Variants in ALCAM observed in about 807,000 individuals in gnomAD.
The protein encoded by ALCAM is CD166 antigen.
Under a neutral mutation model 70.9 loss-of-function variants are expected in ALCAM, and 30 were observed. The observed-to-expected ratio is 0.42, with a 90% CI of 0.32 to 0.57. The LOEUF (loss-of-function observed/expected upper bound fraction) is 0.57. Among genes scored for constraint, ALCAM ranks in the 20% least tolerant of loss-of-function variants. ALCAM has a pLI of 0.11. For missense variants in ALCAM, 591 were observed against 695.1 expected (o/e 0.85, Z 1.68); for synonymous variants, 249 against 242.5 (o/e 1.03, Z -0.25).
intron 1 of ALCAM, among the ~76,000 whole-genome samples, chr3:105,517,137 C>T (rs529955126): frequency 1.3e-5 from 2 of 152,160 alleles, no homozygotes; most frequent in Non-Finnish European, 1.5e-5. Context: ...GTCTTTGTAG[C>T]GACTTTATCC....
At chr3:105,480,255 CAGG>C (rs1193055507) in intron 1 of ALCAM, among the ~76,000 whole-genome samples, 2 of 151,886 alleles carry the variant, frequency 1.3e-5, no homozygotes. Context: ...GAGGCTAAGG[CAGG>C]AGAATTGCTT....
Position 105,517,159 on chromosome 3 carries a change from G to A in ALCAM, c.74-2908G>A, listed in dbSNP as rs115600972. On this transcript the variant is annotated intron_variant, in intron 1 of 15. Transcript: ENST00000306107. Reference sequence around the variant, plus strand: ...TAGCGACTTTATCCCTAGGGGGCGCGAGATGTTAGCTCTCCCACAGATGCA... The same window carrying A: ...TAGCGACTTTATCCCTAGGGGGCGCAAGATGTTAGCTCTCCCACAGATGCA... Among the ~76,000 whole-genome samples, 315 of 152,126 alleles carry A rather than the reference G, an allele frequency of 2.1e-3. 1 individual carries two copies. The highest frequency in any genetic ancestry group is 3.5e-3 in the Non-Finnish European group (241 of 67,934).
At chr3:105,485,764 T>C (rs1938412177) in intron 1 of ALCAM, among the ~76,000 whole-genome samples, 1 of 152,090 alleles carries the variant, frequency 6.6e-6, no homozygotes, top group Non-Finnish European at 1.5e-5. Flanking sequence ...TTCTGCCTAG[T>C]ATTTGATTTA....
chr3:105,500,106 C>T (rs1938876411), intron 1 of ALCAM, among the ~76,000 whole-genome samples: 1 of 152,154 alleles, frequency 6.6e-6, no homozygotes, highest in African/African-American at 2.4e-5. Context: ...GTTTAGAGCT[C>T]ATATCAGTTA....
Position 105,392,562 on chromosome 3 carries a change from T to C in ALCAM, c.73+25081T>C, listed in dbSNP as rs532867967. On this transcript the variant is annotated intron_variant, in intron 1 of 15. Transcript: ENST00000306107. Reference sequence around the variant, plus strand: ...CATTGATTTTTTTGAAGGGTTTTTTTATGCCTCTATCTCCTTTAATTCTGC... The same window carrying C: ...CATTGATTTTTTTGAAGGGTTTTTTCATGCCTCTATCTCCTTTAATTCTGC... Among the ~76,000 whole-genome samples, 123 of 152,006 alleles carry C rather than the reference T, an allele frequency of 8.1e-4. 1 individual carries two copies. Among genetic ancestry groups the C allele is most frequent in the Non-Finnish European group, 1.4e-3 (96 of 67,902 alleles).
In ALCAM at chr3:105,367,417, C is replaced by T. The variant is rs148842582; in HGVS notation, c.9C>T (p.Ser3=). The T allele has an allele frequency of 1.2e-6, 2 of 1,613,954 alleles. No individual in the cohort carries two copies. The highest frequency in any genetic ancestry group is 2.7e-5 in the African/African-American group (2 of 75,040). ME[S]KGASSCRLLF... ...CAAGAAGGAGGAGGAATATGGAATC[C>T]AAGGGGGCCAGTTCCTGCCGTCTGC... The change falls in exon 1 of 16, where the codon TCC becomes TCT. Residue 3 remains serine (S), a synonymous_variant. Transcript: ENST00000306107.
Position 105,541,673 on chromosome 3 carries a change from T to A in ALCAM, c.899T>A (p.Leu300Gln). 1 of 1,612,144 alleles carries A rather than the reference T, an allele frequency of 6.2e-7. No individual in the cohort carries two copies. The highest frequency in any genetic ancestry group is 1.1e-5 in the South Asian group (1 of 91,000). Residue 300 changes from leucine to glutamine, a missense_variant, in exon 8 of 16, where the codon CTG becomes CAG. Around this residue, in one of 2 missense-constraint regions of ALCAM, gnomAD observed 427 missense variants for 450.4 expected, o/e 0.95. Transcript: ENST00000306107. ...EGIRSSNTYT[L>Q]TDVRRNATGD... ...ATAAGAAGCTCAAATACTTACACACTGACGGATGTGAGGCGCAATGCAACA... is the reference window on the plus strand; with the variant it reads ...ATAAGAAGCTCAAATACTTACACACAGACGGATGTGAGGCGCAATGCAACA...
At chr3:105,444,194 C>T (rs778716043) in intron 1 of ALCAM, among the ~76,000 whole-genome samples, 24 of 152,162 alleles carry the variant, frequency 1.6e-4, no homozygotes, top group Non-Finnish European at 3.4e-4. Context: ...CTGTATTACA[C>T]TCTGTTCTCA....
intron 6 of ALCAM, among the ~76,000 whole-genome samples, chr3:105,536,093 C>CTTT (rs71299365): frequency 2.8e-5 from 4 of 141,886 alleles, no homozygotes; most frequent in Admixed American, 1.4e-4. Context: ...TTCTTTCTTT[C>CTTT]TTTTTTTTTT....
At chr3:105,550,061 T>G (rs1940354417) in intron 11 of ALCAM, 66 bp from the exon 12 acceptor site, 4 of 1,440,428 alleles carry the variant, frequency 2.8e-6, no homozygotes, top group African/African-American at 2.9e-5. Flanking sequence ...ACAGTCATCA[T>G]TACTCTTTCC....
At chr3:105,463,806 A>T (rs1203276718) in intron 1 of ALCAM, among the ~76,000 whole-genome samples, 1 of 151,248 alleles carries the variant, frequency 6.6e-6, no homozygotes, top group Non-Finnish European at 1.5e-5. Context: ...AATCTGGGAG[A>T]TTTTGTTTTG....
chr3:105,529,576 A>T (rs950197526), intron 3 of ALCAM, among the ~76,000 whole-genome samples: 1 of 152,154 alleles, frequency 6.6e-6, no homozygotes, highest in East Asian at 1.9e-4. Flanking sequence ...TGAAATAAGT[A>T]TTACCATTAC....
chr3:105,566,304 G>A (rs984256137), intron 14 of ALCAM, among the ~76,000 whole-genome samples: 3 of 152,050 alleles, frequency 2.0e-5, no homozygotes, highest in African/African-American at 4.8e-5. Flanking sequence ...AAGTGATATC[G>A]AATCATTCAA....
intron 1 of ALCAM, among the ~76,000 whole-genome samples, chr3:105,388,602 CTAATT>C (rs1935718240): frequency 1.3e-5 from 2 of 151,608 alleles, no homozygotes; most frequent in East Asian, 1.9e-4. Flanking sequence ...TAGGAATAAA[CTAATT>C]TAAGATTCCT....
intron 1 of ALCAM, among the ~76,000 whole-genome samples, chr3:105,469,046 G>C (rs1246595107): frequency 6.6e-6 from 1 of 151,054 alleles, no homozygotes; most frequent in Non-Finnish European, 1.5e-5. Context: ...TCTTTTGATT[G>C]GTCATTATAT....
At chr3:105,457,064 A>G (rs1339915913) in intron 1 of ALCAM, among the ~76,000 whole-genome samples, 1 of 152,156 alleles carries the variant, frequency 6.6e-6, no homozygotes, top group Non-Finnish European at 1.5e-5. Context: ...TCATGGTACT[A>G]CTACTGTGAG....
At chr3:105,510,783 C>T (rs974958107) in intron 1 of ALCAM, among the ~76,000 whole-genome samples, 19 of 151,912 alleles carry the variant, frequency 1.3e-4, no homozygotes, top group African/African-American at 4.6e-4. Flanking sequence ...TATGTTTTAC[C>T]ACCTTGTTTG....
intron 1 of ALCAM, among the ~76,000 whole-genome samples, chr3:105,420,600 C>T (rs939029469): frequency 1.3e-5 from 2 of 151,634 alleles, no homozygotes; most frequent in African/African-American, 4.8e-5. Flanking sequence ...TCTTCCTTAG[C>T]TCACAGGACA....
At chr3:105,564,651 G>A (rs997246852) in intron 14 of ALCAM, among the ~76,000 whole-genome samples, 1 of 152,140 alleles carries the variant, frequency 6.6e-6, no homozygotes, top group African/African-American at 2.4e-5. Flanking sequence ...AGAATATTGA[G>A]TACCTTAAAG....
Sources: allele counts gnomAD v4.1 joint callset (sites outside exome capture counted in the v4.1 genomes callset), GRCh38; gene constraint gnomAD v4.1.1; regional missense constraint gnomAD v4.1.1; transcripts MANE v1.5; gene names NCBI Gene and HGNC (gene_info 2026-07-23, HGNC 2026-07-21).